Variants in MCCC1 observed in about 807,000 individuals in gnomAD.
MCCC1 encodes the protein methylcrotonyl-CoA carboxylase subunit 1.
Under a neutral mutation model 83.8 loss-of-function variants are expected in MCCC1, and 64 were observed. That is an observed-to-expected ratio of 0.76 (90% CI 0.62 to 0.94). The LOEUF (loss-of-function observed/expected upper bound fraction) is 0.94. Ranked by LOEUF, MCCC1 falls within the 40% of genes least tolerant of loss-of-function variation. MCCC1 has a pLI of 0.00. For synonymous variants in MCCC1, 322 were observed against 315.4 expected, an observed-to-expected ratio of 1.02 and a Z score of -0.22; for missense variants, 807 against 904.7, an observed-to-expected ratio of 0.89 and a Z score of 1.39.
intron 3 of MCCC1, 32 bp downstream of exon 3, chr3:183,092,377 G>T (rs114484300): frequency 1.2e-6 from 2 of 1,613,540 alleles, no homozygotes; most frequent in Non-Finnish European, 1.7e-6. Context: ...ACGAATAAAC[G>T]TAAGACGTGG....
intron 15 of MCCC1, among the ~76,000 whole-genome samples, chr3:183,025,006 G>T (rs920304496): frequency 3.3e-4 from 49 of 148,452 alleles, no homozygotes; most frequent in South Asian, 8.6e-4. Flanking sequence ...CACCATGGAA[G>T]AACCTTGAAG....
intron 5 of MCCC1, 85 bp downstream of exon 5, chr3:183,072,281 G>A: frequency 6.7e-7 from 1 of 1,499,026 alleles, no homozygotes; most frequent in Non-Finnish European, 9.2e-7. Flanking sequence ...CAAAACACTG[G>A]TATTACAGGC....
At chr3:183,023,218 T>A (rs1383251291) in intron 15 of MCCC1, among the ~76,000 whole-genome samples, 1 of 152,212 alleles carries the variant, frequency 6.6e-6, no homozygotes, top group East Asian at 1.9e-4. Flanking sequence ...CATTTACATC[T>A]TCTCTCTCTA....
intron 8 of MCCC1, 88 bp downstream of exon 8, chr3:183,057,223 G>C: frequency 9.2e-7 from 1 of 1,091,128 alleles, no homozygotes; most frequent in Non-Finnish European, 1.4e-6. Flanking sequence ...AGGGGTGAGA[G>C]ACACCAGATT....
At chr3:183,049,357 G>A (rs1389867536) in intron 9 of MCCC1, among the ~76,000 whole-genome samples, 1 of 151,944 alleles carries the variant, frequency 6.6e-6, no homozygotes, top group Admixed American at 6.6e-5. Flanking sequence ...AGCTCAAAAG[G>A]TCAAGAGATC....
Position 183,022,523 on chromosome 3 carries a change from T to C in MCCC1, c.1763A>G (p.Asn588Ser). The C allele has an allele frequency of 1.9e-6, 3 of 1,613,700 alleles. No homozygotes were observed. Among genetic ancestry groups the C allele is most frequent in the Non-Finnish European group, 8.5e-7 (1 of 1,179,732 alleles). ...IEDKTFQVLGNLYSEGDCTYL... is the reference protein window; with the variant it reads ...IEDKTFQVLGSLYSEGDCTYL... ...AGTGCAGTCTCCCTCGCTGTAAAGA[T>C]TACCAAGGACTTGGAAAGTTTTATC... Residue 588 changes from asparagine to serine, a missense_variant, in exon 16 of 19, where the codon AAT (asparagine) becomes AGT (serine). Coordinates refer to ENST00000265594, the MANE Select transcript of MCCC1 (RefSeq NM_020166.5).
intron 17 of MCCC1, among the ~76,000 whole-genome samples, chr3:183,019,357 G>C (rs184703777): frequency 3.4e-4 from 52 of 152,306 alleles, no homozygotes; most frequent in Admixed American, 7.8e-4. Context: ...CCTCCAGGAT[G>C]ATGGTATTTG....
rs75758670 is a variant in MCCC1, at chr3:183,090,176, A to G, written c.273+2233T>C. On this transcript the variant is annotated intron_variant, in intron 3 of 18. Transcript: ENST00000265594. ...TAAAGGACACTGAGAGAAGACAAGA[A>G]GGCAAGAGGCTGAGAATGCCATGAG... Among the ~76,000 whole-genome samples, 1,487 of 152,294 alleles carry G rather than the reference A, an allele frequency of 9.8e-3. 30 individuals carry two copies. Among genetic ancestry groups the G allele is most frequent in the African/African-American group, 0.034 (1,421 of 41,534 alleles).
chr3:183,056,278 G>A (rs537974707), intron 8 of MCCC1, among the ~76,000 whole-genome samples: 2 of 151,892 alleles, frequency 1.3e-5, no homozygotes, highest in African/African-American at 4.8e-5. Flanking sequence ...ATTAAAATTT[G>A]AATATGGTAT....
rs530775634 is a variant in MCCC1, at chr3:183,018,074, G to C, written c.1978-737C>G. On this transcript the variant is annotated intron_variant, in intron 17 of 18. Coordinates refer to ENST00000265594, the MANE Select transcript of MCCC1 (RefSeq NM_020166.5). ...GCACTGGTCAAATCAGAGGCCTACA[G>C]CCCAAATGTACTCGTCAAATAAGAG... Among the ~76,000 whole-genome samples the C allele has an allele frequency of 2.0e-5, 3 of 152,258 alleles. No individual in the cohort carries two copies. The East Asian group carries it at 5.8e-4, about 29-fold the overall frequency.
intron 4 of MCCC1, among the ~76,000 whole-genome samples, chr3:183,079,610 G>A (rs1229772238): frequency 3.9e-5 from 6 of 152,148 alleles, no homozygotes; most frequent in Non-Finnish European, 8.8e-5. Context: ...CAGGTACATG[G>A]TGCAAGCTGT....
intron 11 of MCCC1, among the ~76,000 whole-genome samples, chr3:183,041,000 T>C (rs1229647657): frequency 2.0e-5 from 3 of 152,198 alleles, no homozygotes; most frequent in Non-Finnish European, 4.4e-5. Context: ...ATGATAATAA[T>C]GCCTACTTAC....
chr3:183,088,529 A>G (rs1357821872), intron 3 of MCCC1, among the ~76,000 whole-genome samples: 1 of 152,126 alleles, frequency 6.6e-6, no homozygotes, highest in Non-Finnish European at 1.5e-5. Flanking sequence ...TTAACTCCAC[A>G]AAACACAAAT....
At chr3:183,017,191 A>C (rs574916999) in intron 18 of MCCC1, 75 bp downstream of exon 18, 1 of 1,339,512 alleles carries the variant, frequency 7.5e-7, no homozygotes, top group South Asian at 1.2e-5. Flanking sequence ...ATTAACTTAC[A>C]AAATAAGGCA....
chr3:183,041,874 AAAAC>A, intron 10 of MCCC1, 124 bp from the exon 11 acceptor site: 2 of 1,091,302 alleles, frequency 1.8e-6, no homozygotes, highest in Non-Finnish European at 1.4e-6. Flanking sequence ...CAGCCAAATA[AAAAC>A]TATTATTTTG....
At chr3:183,103,770 G>A (rs1051141005), upstream of MCCC1, among the ~76,000 whole-genome samples, 1 of 152,220 alleles carries the variant, frequency 6.6e-6, no homozygotes, top group South Asian at 2.1e-4. Flanking sequence ...TTGGGTGGTC[G>A]ATGGGACTGG....
At position 183,099,366 on chromosome 3, in the gene MCCC1, C is replaced by T. The variant is rs1393268707; in HGVS notation, c.75G>A (p.Leu25=). Residue 25 remains leucine (L), a synonymous_variant, in exon 1 of 19, where the codon CTG becomes CTA. Coordinates refer to ENST00000265594, the MANE Select transcript of MCCC1 (RefSeq NM_020166.5). ...ERNRWHRLPS[L]LLPPRTWVWR... ...CCTCCACCCACCTCGGCGGCAGGAG[C>T]AGGCTCGGGAGACGATGCCACCGGT... 1.2e-6 allele frequency: 2 copies of T among 1,601,098 alleles called. No homozygotes were observed. The highest frequency in any genetic ancestry group is 1.7e-5 in the Admixed American group (1 of 59,004).
rs1445598228 is a variant in MCCC1, at chr3:183,041,766, T to G, written c.1084-16A>C. On this transcript the variant is annotated splice_polypyrimidine_tract_variant and intron_variant, in intron 10 of 18. Transcript: ENST00000265594. ...CTGCTGCAATCTGGCAATAGAATAGTGTTTCTTATGAAATCTACCGTATAG... is the reference window on the plus strand; with the variant it reads ...CTGCTGCAATCTGGCAATAGAATAGGGTTTCTTATGAAATCTACCGTATAG... 6.2e-7 allele frequency: 1 copy of G among 1,614,102 alleles called. No homozygotes were observed. Among genetic ancestry groups the G allele is most frequent in the Non-Finnish European group, 8.5e-7 (1 of 1,179,936 alleles).
At chr3:183,038,954 C>A (rs1713840960) in intron 12 of MCCC1, 72 bp downstream of exon 12, 3 of 1,367,860 alleles carry the variant, frequency 2.2e-6, no homozygotes, top group Non-Finnish European at 3.1e-6. Flanking sequence ...CAAGGCCCTG[C>A]CAAAGACAAA....
Sources: gnomAD v4.1 joint callset for allele counts (sites outside exome capture counted in the v4.1 genomes callset) on GRCh38, gnomAD v4.1.1 for gene constraint, MANE v1.5 for transcripts, NCBI Gene and HGNC (gene_info 2026-07-23, HGNC 2026-07-21) for gene names.